The following SMYD3 variants were observed in gnomAD, a reference collection of about 807,000 sequenced individuals.
SMYD3 encodes SET and MYND domain containing 3.
SMYD3 carries 36 observed loss-of-function variants against 57.7 expected under a neutral mutation model. That is an observed-to-expected ratio of 0.62 (90% CI 0.48 to 0.82). The LOEUF (loss-of-function observed/expected upper bound fraction) is 0.82, where lower values mean the gene tolerates loss of function less well. Ranked by LOEUF, SMYD3 falls within the 40% of genes least tolerant of loss-of-function variation. The probability of loss-of-function intolerance (pLI) is 0.00; values close to 1 mark genes in which losing one functional copy is unlikely to be tolerated. For synonymous variants in SMYD3, 211 were observed against 195.0 expected (o/e 1.08, Z -0.68); for missense variants, 515 against 538.8 (o/e 0.96, Z 0.44).
Position 246,371,486 on chromosome 1 carries a change from T to A in SMYD3, c.165-16392A>T, listed in dbSNP as rs79352017. On this transcript the variant is annotated intron_variant, in intron 1 of 11. Transcript: ENST00000490107. ...TCTTCTTGAAATCTAAAATAATTTTTAAAAAATGAGGAAGAAGAAAAAAAT... is the reference window on the plus strand; with the variant it reads ...TCTTCTTGAAATCTAAAATAATTTTAAAAAAATGAGGAAGAAGAAAAAAAT... 9.5e-3 allele frequency among the ~76,000 whole-genome samples: 1,439 copies of A among 152,224 alleles called. 26 individuals are homozygous for A. The highest frequency in any genetic ancestry group is 0.032 in the African/African-American group (1,335 of 41,522).
intron 5 of SMYD3, among the ~76,000 whole-genome samples, chr1:246,143,397 G>A (rs1474665582): frequency 6.6e-6 from 1 of 152,166 alleles, no homozygotes; most frequent in Non-Finnish European, 1.5e-5. Context: ...GTCAAAGCAG[G>A]ACAGGCATGG....
intron 5 of SMYD3, among the ~76,000 whole-genome samples, chr1:246,307,872 CCAG>C (rs1205805452): frequency 2.6e-5 from 4 of 152,154 alleles, no homozygotes; most frequent in African/African-American, 9.7e-5. Flanking sequence ...CAAGCATGAA[CCAG>C]CAGCAAGAAG....
intron 11 of SMYD3, among the ~76,000 whole-genome samples, 200 bp downstream of exon 11, chr1:245,763,841 A>C (rs1472391162): frequency 6.6e-6 from 1 of 152,210 alleles, no homozygotes; most frequent in Admixed American, 6.5e-5. Context: ...CATGGTGGGC[A>C]TGCCTGCATC....
chr1:246,429,220 A>G (rs1289003333), intron 1 of SMYD3, among the ~76,000 whole-genome samples: 1 of 152,052 alleles, frequency 6.6e-6, no homozygotes, highest in African/African-American at 2.4e-5. Flanking sequence ...AATGTTGAGT[A>G]GAAGCCACAC....
intron 5 of SMYD3, among the ~76,000 whole-genome samples, chr1:246,151,685 TTTTC>T (rs1484164794): frequency 6.6e-6 from 1 of 152,214 alleles, no homozygotes; most frequent in Non-Finnish European, 1.5e-5. Context: ...GAGCAAATAA[TTTTC>T]TTTAACTACC....
rs193117755 is a variant in SMYD3, at chr1:246,203,490, T to C, written c.531+123711A>G. Among the ~76,000 whole-genome samples, 5 of 152,310 alleles carry C rather than the reference T, an allele frequency of 3.3e-5. No individual in the cohort carries two copies. The highest frequency in any genetic ancestry group is 2.4e-5 in the African/African-American group (1 of 41,578). ...TGGAAGTTCAAGATGAAAGTATCTATAGGTTTGGTTTCCTCCGAGCCCTCT... is the reference window on the plus strand; with the variant it reads ...TGGAAGTTCAAGATGAAAGTATCTACAGGTTTGGTTTCCTCCGAGCCCTCT... On this transcript the variant is annotated intron_variant, in intron 5 of 11. Coordinates refer to ENST00000490107, the MANE Select transcript of SMYD3 (RefSeq NM_001167740.2). This position sits in a 1 kb window ranked among gnomAD's most constrained non-coding sequence, Gnocchi z 4.6.
chr1:246,082,936 T>C (rs551581803), intron 5 of SMYD3, among the ~76,000 whole-genome samples: 1 of 148,264 alleles, frequency 6.7e-6, no homozygotes, highest in Non-Finnish European at 1.5e-5. Context: ...TTAAGAGTCA[T>C]CACCACTCCC....
At chr1:245,814,279 T>C in intron 10 of SMYD3, 1 of 700,188 alleles carries the variant, frequency 1.4e-6, no homozygotes, top group East Asian at 1.3e-4. Context: ...TTTCAGTGTA[T>C]AGCTACCTCC....
intron 8 of SMYD3, among the ~76,000 whole-genome samples, chr1:245,889,963 A>G (rs1421966222): frequency 1.3e-5 from 2 of 152,188 alleles, no homozygotes; most frequent in Non-Finnish European, 2.9e-5. Context: ...ATTTTTGACA[A>G]AGGTGCCAAG....
intron 5 of SMYD3, among the ~76,000 whole-genome samples, chr1:246,243,495 T>C (rs2063652076): frequency 6.6e-6 from 1 of 151,832 alleles, no homozygotes; most frequent in African/African-American, 2.4e-5. Context: ...CACCCCTCTA[T>C]CTTAACTATC....
chr1:246,346,001 C>G lies in SMYD3; in HGVS notation c.228+9030G>C, dbSNP rs139020279. ...AAGACCTAATCATAGAACTATAGAACTGGCCGGGCACAGTGGCTCACGCCT... is the reference window on the plus strand; with the variant it reads ...AAGACCTAATCATAGAACTATAGAAGTGGCCGGGCACAGTGGCTCACGCCT... On this transcript the variant is annotated intron_variant, in intron 2 of 11. Coordinates refer to ENST00000490107, the MANE Select transcript of SMYD3 (RefSeq NM_001167740.2). 5.6e-3 allele frequency among the ~76,000 whole-genome samples: 860 copies of G among 152,230 alleles called. 7 individuals carry two copies. The highest frequency in any genetic ancestry group is 0.02 in the African/African-American group (825 of 41,534).
chr1:246,302,017 G>A (rs926830938), intron 5 of SMYD3, among the ~76,000 whole-genome samples: 9 of 152,030 alleles, frequency 5.9e-5, no homozygotes, highest in East Asian at 1.9e-4. Context: ...GAGGACATGC[G>A]AGCTAAGGCA....
At chr1:245,940,191 T>TA (rs1160465075) in intron 5 of SMYD3, among the ~76,000 whole-genome samples, 1 of 152,166 alleles carries the variant, frequency 6.6e-6, no homozygotes, top group Admixed American at 6.5e-5. Flanking sequence ...TCAGCAGACT[T>TA]AGTCTTTCCT....
intron 5 of SMYD3, among the ~76,000 whole-genome samples, chr1:246,307,413 CTTTTTTTTTTTTT>C (rs869254416): frequency 0.013 from 1,234 of 96,156 alleles, 31 homozygotes; most frequent in African/African-American, 0.045. Flanking sequence ...TTAGGGGATT[CTTTTTTTTTTTTT>C]TTTTTTTTTT....
At chr1:245,817,513 G>C (rs1462172755) in intron 10 of SMYD3, among the ~76,000 whole-genome samples, 3 of 152,130 alleles carry the variant, frequency 2.0e-5, no homozygotes, top group Non-Finnish European at 4.4e-5. Context: ...AAGGAACGCA[G>C]TTCCTCACCA....
intron 10 of SMYD3, among the ~76,000 whole-genome samples, chr1:245,825,871 G>A (rs1265654285): frequency 1.3e-5 from 2 of 149,790 alleles, no homozygotes; most frequent in East Asian, 2.0e-4. Flanking sequence ...CACTGCCTGA[G>A]TAATGACGTA....
At position 245,797,249 on chromosome 1, in the gene SMYD3, T is replaced by A. The variant is rs374298199; in HGVS notation, c.1077-33100A>T. ...ACACGTATGTTTATTGCAGCAGTAC[T>A]CACAATAGCAAAGACTTGGAACCAA... On this transcript the variant is annotated intron_variant, in intron 10 of 11. Transcript: ENST00000490107. 8.5e-5 allele frequency among the ~76,000 whole-genome samples: 13 copies of A among 152,252 alleles called. No homozygotes were observed. The South Asian group carries it at 2.1e-3, about 24-fold the overall frequency.
intron 5 of SMYD3, among the ~76,000 whole-genome samples, chr1:246,207,442 G>A (rs889896092): frequency 3.9e-5 from 6 of 152,074 alleles, no homozygotes; most frequent in Non-Finnish European, 8.8e-5. Flanking sequence ...GAACTGGTAC[G>A]TGTCATCTTA....
chr1:246,118,319 C>T (rs1347513182), intron 5 of SMYD3, among the ~76,000 whole-genome samples: 1 of 152,016 alleles, frequency 6.6e-6, no homozygotes, highest in African/African-American at 2.4e-5. Flanking sequence ...GAGATTTTTC[C>T]AAGCAGAAAG....
Sources: allele counts gnomAD v4.1 joint callset (sites outside exome capture counted in the v4.1 genomes callset), GRCh38; gene constraint gnomAD v4.1.1; non-coding constraint Gnocchi (gnomAD v3.1); transcripts MANE v1.5; gene names NCBI Gene and HGNC (gene_info 2026-07-23, HGNC 2026-07-21).